Variants in TENM2 observed in about 807,000 individuals in gnomAD.
The protein encoded by TENM2 is teneurin-2.
TENM2 carries 52 observed loss-of-function variants against 245.2 expected under a neutral mutation model. The ratio of observed to expected loss-of-function variants is 0.21; its 90% CI spans 0.17 to 0.27. The LOEUF (loss-of-function observed/expected upper bound fraction) is 0.27. TENM2 is among the 10% of genes least tolerant of loss of function. The pLI, the probability that TENM2 is intolerant of heterozygous loss-of-function variation, is 1.00. For missense variants in TENM2, 3,046 were observed against 3,666.8 expected (o/e 0.83, Z 4.37); for synonymous variants, 1,363 against 1,438.9 (o/e 0.95, Z 1.19).
At chr5:168,147,401 C>T (rs1240304220) in intron 12 of TENM2, among the ~76,000 whole-genome samples, 2 of 152,224 alleles carry the variant, frequency 1.3e-5, no homozygotes, top group Non-Finnish European at 1.5e-5. Context: ...ATTTGCTTCA[C>T]ACCACGGCCT....
Position 167,538,800 on chromosome 5 carries a change from A to G in TENM2, c.502+163327A>G, listed in dbSNP as rs565274040. 1.1e-4 allele frequency among the ~76,000 whole-genome samples: 16 copies of G among 152,308 alleles called. No homozygotes were observed. In the South Asian group the frequency reaches 3.1e-3, roughly 30 times the overall value. ...AAGCTGTCTGTCATTTGCAGTTTCCAGCAGTCTCTGAGACTAGTGCATGTG... is the reference window on the plus strand; with the variant it reads ...AAGCTGTCTGTCATTTGCAGTTTCCGGCAGTCTCTGAGACTAGTGCATGTG... On this transcript the variant is annotated intron_variant, in intron 2 of 28. Coordinates refer to ENST00000518659, the Ensembl canonical transcript of TENM2.
At chr5:168,103,920 G>A (rs1353831535) in intron 9 of TENM2, among the ~76,000 whole-genome samples, 1 of 152,210 alleles carries the variant, frequency 6.6e-6, no homozygotes, top group Non-Finnish European at 1.5e-5. Context: ...GCCGAGACAG[G>A]TGCACCTGAG....
exon 10 of TENM2, chr5:168,118,381 G>C: frequency 1.2e-6 from 2 of 1,611,790 alleles, no homozygotes; most frequent in Non-Finnish European, 1.7e-6. Context: ...AGAGTGCGAC[G>C]TGCCCATGAA....
At chr5:167,964,514 C>T (rs1478981480) in intron 4 of TENM2, among the ~76,000 whole-genome samples, 1 of 152,192 alleles carries the variant, frequency 6.6e-6, no homozygotes, top group Non-Finnish European at 1.5e-5. Context: ...TACCATGTGT[C>T]AGGCACTGAG....
the TENM2 span, among the ~76,000 whole-genome samples, chr5:167,222,431 G>A: frequency 6.6e-6 from 1 of 152,156 alleles, no homozygotes; most frequent in Non-Finnish European, 1.5e-5. Context: ...ACGTAGAATT[G>A]CCTTTGCAAA....
At chr5:168,060,047 C>T (rs1036239333) in intron 6 of TENM2, among the ~76,000 whole-genome samples, 3 of 152,048 alleles carry the variant, frequency 2.0e-5, no homozygotes, top group Non-Finnish European at 4.4e-5. Context: ...CCGTATTCCT[C>T]CCCCTGCAGG....
the TENM2 span, among the ~76,000 whole-genome samples, chr5:167,007,330 A>G: frequency 1.3e-5 from 2 of 152,224 alleles, no homozygotes; most frequent in Admixed American, 6.5e-5. This position sits in a 1 kb window ranked among gnomAD's most constrained non-coding sequence, Gnocchi z 4.2. Context: ...CCAAGGAAAT[A>G]TTTTAATCTG....
At chr5:168,052,420 A>T (rs1789180663) in intron 6 of TENM2, among the ~76,000 whole-genome samples, 1 of 151,908 alleles carries the variant, frequency 6.6e-6, no homozygotes, top group Non-Finnish European at 1.5e-5. Context: ...ACACACACAC[A>T]TATATATGTG....
intron 2 of TENM2, among the ~76,000 whole-genome samples, chr5:167,823,271 G>A (rs183810822): frequency 4.7e-4 from 71 of 152,228 alleles, no homozygotes; most frequent in African/African-American, 1.1e-3. Flanking sequence ...AGAATGCTTA[G>A]CTCTTTTCCA....
chr5:167,212,876 A>G, the TENM2 span, among the ~76,000 whole-genome samples: 1 of 152,262 alleles, frequency 6.6e-6, no homozygotes, highest in Non-Finnish European at 1.5e-5. Flanking sequence ...GAGCTGGGGG[A>G]TTTACATCTT....
chr5:167,973,551 C>A (rs1241088990), intron 4 of TENM2, among the ~76,000 whole-genome samples: 1 of 152,150 alleles, frequency 6.6e-6, no homozygotes, highest in Admixed American at 6.5e-5. Context: ...GTAAGCTGGA[C>A]ATGAGCTCAG....
intron 2 of TENM2, among the ~76,000 whole-genome samples, chr5:167,505,770 G>A (rs1047821652): frequency 1.3e-5 from 2 of 152,156 alleles, no homozygotes; most frequent in Admixed American, 6.6e-5. Flanking sequence ...ACCCACATAA[G>A]TTGTATAATT....
chr5:167,239,203 CT>C, the TENM2 span, among the ~76,000 whole-genome samples: 4 of 152,158 alleles, frequency 2.6e-5, no homozygotes, highest in African/African-American at 4.8e-5. Context: ...AATGTCATGG[CT>C]AATAGACACT....
At chr5:168,083,874 A>G (rs1792214594) in intron 7 of TENM2, among the ~76,000 whole-genome samples, 1 of 152,094 alleles carries the variant, frequency 6.6e-6, no homozygotes, top group Admixed American at 6.6e-5. Context: ...CCAGTGGTTA[A>G]CCAACAGTAA....
chr5:167,839,842 A>G (rs1185589782), intron 2 of TENM2, among the ~76,000 whole-genome samples: 2 of 152,068 alleles, frequency 1.3e-5, no homozygotes, highest in Admixed American at 6.5e-5. Flanking sequence ...TTTGAGATGG[A>G]ATTTTGCTTT....
Position 168,244,756 on chromosome 5 carries a change from T to G in TENM2, c.5817+40T>G. 2.2e-6 allele frequency: 3 copies of G among 1,373,962 alleles called. No homozygotes were observed. The highest frequency in any genetic ancestry group is 2.9e-6 in the Non-Finnish European group (3 of 1,051,964). The allele number at this position is 1,373,962 out of a possible 1,614,324, so 85.1% of individuals were successfully genotyped here. A position where few individuals can be genotyped will look rare whatever the true frequency, so the allele number is the denominator to read the frequency against. ...TGCCCTGACAGCAAGGGCTTTCTGTTATTTCTGTTATTCCGGCTTCTTTTT... is the reference window on the plus strand; with the variant it reads ...TGCCCTGACAGCAAGGGCTTTCTGTGATTTCTGTTATTCCGGCTTCTTTTT... On this transcript the variant is annotated intron_variant, in intron 26 of 28. Transcript: ENST00000518659. The surrounding 1 kb of genome is among the most constrained non-coding windows in gnomAD (Gnocchi z 4.9).
chr5:167,580,221 A>T (rs1183680625), intron 2 of TENM2, among the ~76,000 whole-genome samples: 1 of 152,236 alleles, frequency 6.6e-6, no homozygotes, highest in Non-Finnish European at 1.5e-5. Context: ...TGCTAATGCT[A>T]TGCAAGGGCA....
In TENM2 at chr5:167,961,144, G is replaced by A. The variant is rs549532816; in HGVS notation, c.947+8322G>A. 5.3e-5 allele frequency among the ~76,000 whole-genome samples: 8 copies of A among 152,256 alleles called. No individual in the cohort carries two copies. The East Asian group carries it at 5.8e-4, about 11-fold the overall frequency. On this transcript the variant is annotated intron_variant, in intron 4 of 28. Coordinates refer to ENST00000518659, the Ensembl canonical transcript of TENM2. ...CTGCAGACCGGAGCTGTTCCTATTC[G>A]GCCATCTTGCCAGCCAGCAGAATTA... is the stretch of plus-strand genomic sequence containing the variant.
intron 2 of TENM2, among the ~76,000 whole-genome samples, chr5:167,515,208 C>A (rs911878905): frequency 6.6e-6 from 1 of 152,032 alleles, no homozygotes; most frequent in African/African-American, 2.4e-5. Flanking sequence ...GACATTTAAG[C>A]ATGAAACTTA....
Sources: gnomAD v4.1 joint callset for allele counts (sites outside exome capture counted in the v4.1 genomes callset) on GRCh38, gnomAD v4.1.1 for gene constraint, Gnocchi (gnomAD v3.1) non-coding constraint, MANE v1.5 for transcripts, NCBI Gene and HGNC (gene_info 2026-07-23, HGNC 2026-07-21) for gene names.